Variants in IL1RAPL2 observed in about 807,000 individuals in gnomAD.
IL1RAPL2 encodes the protein interleukin 1 receptor accessory protein like 2, also known as X-linked interleukin-1 receptor accessory protein-like 2.
IL1RAPL2 carries 3 observed loss-of-function variants against 44.1 expected under a neutral mutation model. The ratio of observed to expected loss-of-function variants is 0.07; its 90% CI spans 0.03 to 0.18. IL1RAPL2 has a LOEUF of 0.18. Ranked by LOEUF, IL1RAPL2 falls within the 10% of genes least tolerant of loss-of-function variation. The pLI is 1.00. For missense variants in IL1RAPL2, 391 were observed against 496.4 expected (o/e 0.79, Z 2.02); for synonymous variants, 181 against 178.8 (o/e 1.01, Z -0.10).
chrX:105,018,412 C>G (rs1007599934), intron 2 of IL1RAPL2, among the ~76,000 whole-genome samples: 3 of 111,570 alleles, frequency 2.7e-5, no homozygotes, highest in Non-Finnish European at 5.7e-5. Context: ...TCTGTGAAGC[C>G]TCACTTCAGT....
At chrX:105,322,095 G>T (rs777559226) in intron 5 of IL1RAPL2, among the ~76,000 whole-genome samples, 3 of 112,715 alleles carry the variant, frequency 2.7e-5, no homozygotes, top group African/African-American at 9.7e-5. Context: ...TAGGGAATTG[G>T]TATGTAGCTT....
intron 2 of IL1RAPL2, among the ~76,000 whole-genome samples, chrX:105,022,152 A>G (rs926269420): frequency 1.6e-4 from 18 of 111,293 alleles, no homozygotes; most frequent in African/African-American, 5.5e-4. Flanking sequence ...ATGTATATAC[A>G]TATATACACA....
At chrX:104,836,675 C>G (rs905451086) in intron 2 of IL1RAPL2, among the ~76,000 whole-genome samples, 1 of 111,536 alleles carries the variant, frequency 9.0e-6, no homozygotes, top group South Asian at 3.8e-4. Flanking sequence ...TATTTATATA[C>G]AAGTGAATTA....
chrX:104,628,389 C>T (rs1037762153), intron 1 of IL1RAPL2, among the ~76,000 whole-genome samples: 1 of 111,364 alleles, frequency 9.0e-6, no homozygotes, highest in African/African-American at 3.3e-5. Context: ...CATTCTACTC[C>T]CTACCTCAGT....
intron 2 of IL1RAPL2, among the ~76,000 whole-genome samples, chrX:105,069,694 TG>T (rs2032182461): frequency 8.9e-6 from 1 of 112,312 alleles, no homozygotes; most frequent in Admixed American, 9.4e-5. Context: ...TTGAGGGCTT[TG>T]GGGGTAATAA....
intron 2 of IL1RAPL2, among the ~76,000 whole-genome samples, chrX:105,163,978 G>A (rs1295867866): frequency 2.7e-5 from 3 of 111,063 alleles, no homozygotes; most frequent in Non-Finnish European, 5.7e-5. Flanking sequence ...TCTCTACAAG[G>A]TATCTCAGCA....
chrX:105,746,905 T>G (rs2038547871), intron 8 of IL1RAPL2, among the ~76,000 whole-genome samples: 1 of 111,781 alleles, frequency 8.9e-6, no homozygotes, highest in African/African-American at 3.3e-5. Flanking sequence ...AGGAAAAACC[T>G]TTTGAATCAA....
At chrX:105,610,606 C>G (rs1362679986) in intron 6 of IL1RAPL2, among the ~76,000 whole-genome samples, 1 of 111,696 alleles carries the variant, frequency 9.0e-6, no homozygotes, top group Non-Finnish European at 1.9e-5. Flanking sequence ...AACAGTTGTT[C>G]CATAAGATTA....
intron 2 of IL1RAPL2, among the ~76,000 whole-genome samples, chrX:104,731,993 G>A (rs1026562530): frequency 8.9e-6 from 1 of 111,965 alleles, no homozygotes; most frequent in Non-Finnish European, 1.9e-5. Context: ...TGCAAAGAAG[G>A]TATGCATCAG....
intron 6 of IL1RAPL2, among the ~76,000 whole-genome samples, chrX:105,602,376 A>G (rs767561111): frequency 9.0e-6 from 1 of 110,713 alleles, no homozygotes; most frequent in East Asian, 2.9e-4. Context: ...GGTCTTTTAA[A>G]ATAAACCAGT....
intron 8 of IL1RAPL2, 73 bp downstream of exon 8, chrX:105,740,764 G>A: frequency 1.0e-6 from 1 of 1,001,008 alleles, no homozygotes; most frequent in Non-Finnish European, 1.4e-6. Flanking sequence ...ATATTTCCTG[G>A]CTTTATTTTA....
At chrX:104,579,054 T>C (rs935606566) in intron 1 of IL1RAPL2, among the ~76,000 whole-genome samples, 3 of 111,744 alleles carry the variant, frequency 2.7e-5, no homozygotes, top group African/African-American at 9.8e-5. Flanking sequence ...AACATGGAGA[T>C]ACATAACAGA....
intron 1 of IL1RAPL2, among the ~76,000 whole-genome samples, chrX:104,634,017 G>T (rs1929724939): frequency 9.0e-6 from 1 of 110,814 alleles, no homozygotes; most frequent in Non-Finnish European, 1.9e-5. Flanking sequence ...TGCTTTGAAT[G>T]TGTCCCAGAG....
At chrX:104,998,843 C>A (rs1317095681) in intron 2 of IL1RAPL2, among the ~76,000 whole-genome samples, 2 of 111,063 alleles carry the variant, frequency 1.8e-5, no homozygotes, top group Non-Finnish European at 3.8e-5. Context: ...GCCCTCTTAT[C>A]CAGGCTGGAG....
chrX:105,129,178 C>T (rs1250942955), intron 2 of IL1RAPL2, among the ~76,000 whole-genome samples: 1 of 110,789 alleles, frequency 9.0e-6, no homozygotes, highest in African/African-American at 3.3e-5. Context: ...TCCAGTCTCA[C>T]AATTCCAGAG....
rs189308969 is a variant in IL1RAPL2 at position 105,237,861 on chromosome X, G to T, written c.543+3857G>T. On this transcript the variant is annotated intron_variant, in intron 4 of 10. Coordinates refer to ENST00000372582, the MANE Select transcript of IL1RAPL2 (RefSeq NM_017416.2). Reference sequence around the variant, plus strand: ...TTTTCTACCAGGCTGAGCAAGTTTTGCTCTGTCTATAGCAATATAAAGAAG... The same window carrying T: ...TTTTCTACCAGGCTGAGCAAGTTTTTCTCTGTCTATAGCAATATAAAGAAG... Among the ~76,000 whole-genome samples the T allele has an allele frequency of 3.2e-3, 354 of 111,756 alleles. 10 individuals are homozygous for T. The East Asian group carries it at 0.069, about 22-fold the overall frequency.
At chrX:105,199,744 C>G (rs2033701196) in intron 3 of IL1RAPL2, among the ~76,000 whole-genome samples, 1 of 111,896 alleles carries the variant, frequency 8.9e-6, no homozygotes, top group Admixed American at 9.5e-5. Context: ...TGGAACATAA[C>G]TTGTGACTTT....
At chrX:104,718,472 T>C (rs1239640200) in intron 2 of IL1RAPL2, among the ~76,000 whole-genome samples, 2 of 111,022 alleles carry the variant, frequency 1.8e-5, no homozygotes, top group Non-Finnish European at 3.8e-5. Flanking sequence ...GATGGGATCA[T>C]GAGGATGGAT....
At chrX:105,613,858 C>T (rs1386181700) in intron 6 of IL1RAPL2, among the ~76,000 whole-genome samples, 1 of 111,064 alleles carries the variant, frequency 9.0e-6, no homozygotes, top group Non-Finnish European at 1.9e-5. Flanking sequence ...TTTTTTACTC[C>T]GGTTCCTGGC....
Sources: allele counts gnomAD v4.1 joint callset (sites outside exome capture counted in the v4.1 genomes callset), GRCh38; gene constraint gnomAD v4.1.1; transcripts MANE v1.5; gene names NCBI Gene and HGNC (gene_info 2026-07-23, HGNC 2026-07-21).